The following PARD3 variants were observed in gnomAD, a reference collection of about 807,000 sequenced individuals.
PARD3 encodes partitioning defective 3 homolog.
A neutral mutation model predicts 155.4 loss-of-function variants in PARD3; 75 were observed. That is an observed-to-expected ratio of 0.48 (90% CI 0.40 to 0.58). The LOEUF is 0.58. Ranked by LOEUF, PARD3 falls within the 20% of genes least tolerant of loss-of-function variation. PARD3 has a pLI of 0.00. For missense variants in PARD3, 1,642 were observed against 1,721.7 expected (o/e 0.95, Z 0.82); for synonymous variants, 576 against 610.5 (o/e 0.94, Z 0.83).
At chr10:34,283,329 T>G (rs1027976955) in intron 21 of PARD3, among the ~76,000 whole-genome samples, 3 of 152,082 alleles carry the variant, frequency 2.0e-5, no homozygotes, top group African/African-American at 7.2e-5. Flanking sequence ...AAAACAGGCA[T>G]AGTACCTCTT....
chr10:34,264,140 A>G (rs1955173766), intron 22 of PARD3, among the ~76,000 whole-genome samples: 1 of 152,180 alleles, frequency 6.6e-6, no homozygotes, highest in Admixed American at 6.5e-5. Context: ...CCACACAACC[A>G]ATCTATTTTT....
At chr10:34,130,574 T>G (rs2132767142) in intron 23 of PARD3, among the ~76,000 whole-genome samples, 1 of 152,150 alleles carries the variant, frequency 6.6e-6, no homozygotes, top group Admixed American at 6.5e-5. Context: ...CTCCCCATCA[T>G]CTCAAAAAAT....
intron 2 of PARD3, among the ~76,000 whole-genome samples, chr10:34,595,618 G>GT (rs2089178325): frequency 6.6e-6 from 1 of 152,084 alleles, no homozygotes. Context: ...AGGGTGTCTG[G>GT]TACTATAACC....
At chr10:34,346,514 A>T in intron 15 of PARD3, 1 of 1,313,526 alleles carries the variant, frequency 7.6e-7, no homozygotes. Flanking sequence ...ACACATGCAC[A>T]CTCTCTCTCT....
intron 3 of PARD3, among the ~76,000 whole-genome samples, chr10:34,480,802 T>C (rs1478001588): frequency 2.7e-5 from 4 of 149,176 alleles, no homozygotes; most frequent in African/African-American, 7.4e-5. Flanking sequence ...TTCTTTTTTT[T>C]TTTTTTTTTT....
intron 1 of PARD3, among the ~76,000 whole-genome samples, chr10:34,805,318 C>A (rs1588844293): frequency 1.3e-5 from 2 of 152,246 alleles, no homozygotes; most frequent in East Asian, 3.9e-4. Flanking sequence ...GACTCTGCCA[C>A]TGCACTGCAG....
intron 1 of PARD3, among the ~76,000 whole-genome samples, chr10:34,764,470 T>C (rs939139256): frequency 1.3e-5 from 2 of 151,894 alleles, no homozygotes; most frequent in African/African-American, 4.8e-5. Context: ...ATAGGAAAAA[T>C]GATATATTTT....
At chr10:34,356,862 A>G (rs1276984409) in intron 14 of PARD3, among the ~76,000 whole-genome samples, 4 of 152,252 alleles carry the variant, frequency 2.6e-5, no homozygotes, top group Non-Finnish European at 5.9e-5. Context: ...AAGATAGCAC[A>G]GCACTCATAA....
chr10:34,792,703 G>A (rs1841812905), intron 1 of PARD3, among the ~76,000 whole-genome samples: 1 of 152,194 alleles, frequency 6.6e-6, no homozygotes, highest in Admixed American at 6.5e-5. Flanking sequence ...GACCTGTGCA[G>A]CAGCAAATTT....
At chr10:34,590,901 A>G (rs1483742714) in intron 2 of PARD3, among the ~76,000 whole-genome samples, 1 of 151,618 alleles carries the variant, frequency 6.6e-6, no homozygotes, top group Non-Finnish European at 1.5e-5. Context: ...GCTGGAAAAA[A>G]TCTCTCTCTG....
intron 2 of PARD3, among the ~76,000 whole-genome samples, chr10:34,532,649 T>C (rs564379690): frequency 6.6e-6 from 1 of 152,352 alleles, no homozygotes; most frequent in Middle Eastern, 3.4e-3. Flanking sequence ...CCTTGTTCTA[T>C]GAGAAATTAG....
intron 12 of PARD3, among the ~76,000 whole-genome samples, chr10:34,369,903 G>A (rs1210191361): frequency 2.0e-5 from 3 of 152,138 alleles, no homozygotes; most frequent in African/African-American, 7.2e-5. Flanking sequence ...CTAATAAAAA[G>A]AGCAAAAGCC....
chr10:34,690,846 G>A (rs1001004791), intron 2 of PARD3, among the ~76,000 whole-genome samples: 10 of 152,206 alleles, frequency 6.6e-5, no homozygotes, highest in Admixed American at 5.9e-4. Context: ...AAGCGTACAG[G>A]TGAGCACAGC....
intron 1 of PARD3, among the ~76,000 whole-genome samples, chr10:34,813,007 C>G (rs16935760): frequency 0.31 from 46,422 of 152,084 alleles, 7,514 homozygotes; most frequent in African/African-American, 0.42. Flanking sequence ...CCTGGAGGAC[C>G]CCGCAGCCTC....
At chr10:34,121,287 A>C (rs1946987471) in intron 23 of PARD3, among the ~76,000 whole-genome samples, 1 of 152,156 alleles carries the variant, frequency 6.6e-6, no homozygotes, top group Admixed American at 6.5e-5. Context: ...CAAAATATAC[A>C]ATGGTGCCTC....
intron 22 of PARD3, among the ~76,000 whole-genome samples, chr10:34,150,801 T>A (rs1032360049): frequency 1.2e-4 from 18 of 152,210 alleles, no homozygotes; most frequent in Non-Finnish European, 4.4e-5. Context: ...TAAAGTAAAT[T>A]AAAAATTTGT....
rs191700183 is a variant in PARD3 at position 34,125,724 on chromosome 10, G to A, written c.3540+5739C>T. Among the ~76,000 whole-genome samples the A allele has an allele frequency of 4.6e-5, 7 of 152,316 alleles. No individual in the cohort carries two copies. In the East Asian group the frequency reaches 5.8e-4, roughly 13 times the overall value. Reference sequence around the variant, plus strand: ...TATTCATTGAATGACGGACAGCTAGGAAACAAGCAAGCTTGAGGGAGAAGA... The same window carrying A: ...TATTCATTGAATGACGGACAGCTAGAAAACAAGCAAGCTTGAGGGAGAAGA... On this transcript the variant is annotated intron_variant, in intron 23 of 24. Coordinates refer to ENST00000374788, the MANE Select transcript of PARD3 (RefSeq NM_001184785.2).
intron 15 of PARD3, chr10:34,343,989 A>G (rs573412065): frequency 4.2e-5 from 41 of 982,764 alleles, no homozygotes; most frequent in Middle Eastern, 1.0e-3. Flanking sequence ...TTAATGTTTC[A>G]TTTTTCTATG....
intron 2 of PARD3, among the ~76,000 whole-genome samples, chr10:34,613,739 G>A (rs1046443606): frequency 1.3e-5 from 2 of 152,172 alleles, no homozygotes; most frequent in Non-Finnish European, 2.9e-5. Flanking sequence ...TTAAAACATA[G>A]TTTTCTCGTC....
Sources: allele counts gnomAD v4.1 joint callset (sites outside exome capture counted in the v4.1 genomes callset), GRCh38; gene constraint gnomAD v4.1.1; transcripts MANE v1.5; gene names NCBI Gene and HGNC (gene_info 2026-07-23, HGNC 2026-07-21).